Variants in KCNH5 observed in about 807,000 individuals in gnomAD.
KCNH5 encodes the protein potassium voltage-gated channel subfamily H member 5.
In KCNH5, 46 loss-of-function variants were observed where a neutral mutation model predicts 96.1. That is an observed-to-expected ratio of 0.48 (90% CI 0.38 to 0.61). KCNH5 has a LOEUF of 0.61. Ranked by LOEUF, KCNH5 falls within the 20% of genes least tolerant of loss-of-function variation. KCNH5 has a pLI of 0.00. For synonymous variants in KCNH5, 439 were observed against 449.8 expected (o/e 0.98, Z 0.30); for missense variants, 907 against 1,225.8 (o/e 0.74, Z 3.88).
intron 7 of KCNH5, among the ~76,000 whole-genome samples, chr14:62,939,089 C>G (rs987672328): frequency 3.3e-5 from 5 of 152,080 alleles, no homozygotes. Context: ...TGGCTCTCTC[C>G]CCTCAACTAG....
intron 1 of KCNH5, among the ~76,000 whole-genome samples, chr14:63,035,600 C>T (rs1278378051): frequency 2.0e-5 from 3 of 152,206 alleles, no homozygotes; most frequent in Admixed American, 2.0e-4. Context: ...GTAAGCAGAA[C>T]TGATACTTCT....
In KCNH5 at chr14:62,804,577, G is replaced by C. The variant is rs142746166; in HGVS notation, c.1570-1996C>G. 3.5e-4 allele frequency among the ~76,000 whole-genome samples: 53 copies of C among 152,268 alleles called. No individual in the cohort carries two copies. The East Asian group carries it at 0.01, about 29-fold the overall frequency. ...GTGGTATGATGGGAGCATGGCCAGA[G>C]TGACATAAAAGCATGTGCTGCCTGT... On this transcript the variant is annotated intron_variant, in intron 8 of 10. Transcript: ENST00000322893.
chr14:62,842,945 A>G (rs144439038), intron 8 of KCNH5, among the ~76,000 whole-genome samples: 228 of 152,306 alleles, frequency 1.5e-3, no homozygotes, highest in Admixed American at 0.014. Context: ...TTCAGACACA[A>G]TCATATAATC....
At chr14:62,721,887 T>C (rs959705036) in intron 10 of KCNH5, among the ~76,000 whole-genome samples, 3 of 152,210 alleles carry the variant, frequency 2.0e-5, no homozygotes, top group Non-Finnish European at 4.4e-5. Context: ...TGTCTTCATC[T>C]TTCCAAGTCT....
chr14:62,748,700 C>T (rs1010379821), intron 10 of KCNH5, among the ~76,000 whole-genome samples: 16 of 152,002 alleles, frequency 1.1e-4, no homozygotes, highest in African/African-American at 3.1e-4. Flanking sequence ...TAGAGAGGAG[C>T]TCAGTCAGAG....
intron 7 of KCNH5, among the ~76,000 whole-genome samples, chr14:62,927,243 T>C (rs2140112974): frequency 6.6e-6 from 1 of 152,206 alleles, no homozygotes; most frequent in East Asian, 1.9e-4. Flanking sequence ...ATAACAAGTG[T>C]TGACAGGGAT....
At chr14:62,949,071 C>T (rs998578019) in intron 7 of KCNH5, among the ~76,000 whole-genome samples, 14 of 151,538 alleles carry the variant, frequency 9.2e-5, no homozygotes, top group Non-Finnish European at 1.6e-4. Flanking sequence ...TGGGCAAAAA[C>T]TGGAAGCATT....
At chr14:62,894,313 A>C (rs1011183891) in intron 7 of KCNH5, among the ~76,000 whole-genome samples, 1 of 152,150 alleles carries the variant, frequency 6.6e-6, no homozygotes, top group African/African-American at 2.4e-5. Flanking sequence ...CACTGAATCT[A>C]AGTATTAAAG....
At chr14:62,837,201 G>C (rs756658804) in intron 8 of KCNH5, among the ~76,000 whole-genome samples, 20 of 152,174 alleles carry the variant, frequency 1.3e-4, no homozygotes, top group Non-Finnish European at 2.5e-4. Context: ...CCACAAAATA[G>C]TGCCAGGAGG....
At position 62,996,443 on chromosome 14, in the gene KCNH5, G is replaced by A. The variant is rs572022294; in HGVS notation, c.433+4888C>T. Among the ~76,000 whole-genome samples, 3 of 152,226 alleles carry A rather than the reference G, an allele frequency of 2.0e-5. No individual in the cohort carries two copies. The East Asian group carries it at 5.8e-4, about 29-fold the overall frequency. Reference sequence around the variant, plus strand: ...TTTCTCTAATGCTTTTCACAATGGGGTCTGATTTTCCCTATAAATTCTAAT... The same window carrying A: ...TTTCTCTAATGCTTTTCACAATGGGATCTGATTTTCCCTATAAATTCTAAT... On this transcript the variant is annotated intron_variant, in intron 4 of 10. Coordinates refer to ENST00000322893, the MANE Select transcript of KCNH5 (RefSeq NM_139318.5).
intron 9 of KCNH5, among the ~76,000 whole-genome samples, chr14:62,780,322 A>G (rs945385874): frequency 6.6e-6 from 1 of 152,232 alleles, no homozygotes; most frequent in Non-Finnish European, 1.5e-5. Flanking sequence ...GATCTGCTGT[A>G]ACAGCCTTTA....
intron 6 of KCNH5, among the ~76,000 whole-genome samples, chr14:62,979,922 A>AT (rs1890574169): frequency 2.0e-5 from 3 of 152,156 alleles, no homozygotes; most frequent in Non-Finnish European, 4.4e-5. Flanking sequence ...CTGTGTCCCC[A>AT]CCCAAATCTC....
At chr14:62,949,676 C>A (rs1346700441) in intron 7 of KCNH5, 3 of 164,624 alleles carry the variant, frequency 1.8e-5, no homozygotes, top group Admixed American at 1.8e-4. Flanking sequence ...GCTTTATAAA[C>A]CCTTTCTCCT....
At chr14:62,847,281 C>G (rs774860569) in intron 8 of KCNH5, among the ~76,000 whole-genome samples, 4 of 151,260 alleles carry the variant, frequency 2.6e-5, no homozygotes, top group Non-Finnish European at 4.4e-5. Context: ...TTTTGTTTTC[C>G]TCTTGTTTAG....
At chr14:63,041,331 C>T (rs569774479) in intron 1 of KCNH5, among the ~76,000 whole-genome samples, 3 of 152,248 alleles carry the variant, frequency 2.0e-5, no homozygotes, top group South Asian at 4.1e-4. Flanking sequence ...TAATAGTTTG[C>T]ATAAATAATT....
chr14:62,872,087 T>G (rs538300644), intron 7 of KCNH5, among the ~76,000 whole-genome samples: 2 of 152,318 alleles, frequency 1.3e-5, no homozygotes, highest in African/African-American at 4.8e-5. Context: ...TCCAGCTTAT[T>G]GAAAAGAAAA....
intron 4 of KCNH5, among the ~76,000 whole-genome samples, chr14:62,991,701 T>C (rs370051862): frequency 1.3e-5 from 2 of 152,030 alleles, no homozygotes; most frequent in African/African-American, 4.8e-5. Flanking sequence ...AGGGCCTTCT[T>C]GCAGTTCCAG....
At chr14:62,962,575 T>C (rs911333799) in intron 6 of KCNH5, among the ~76,000 whole-genome samples, 8 of 152,090 alleles carry the variant, frequency 5.3e-5, no homozygotes, top group African/African-American at 1.9e-4. Flanking sequence ...AAGAACATAT[T>C]GAAGGTCATC....
intron 8 of KCNH5, among the ~76,000 whole-genome samples, chr14:62,831,206 C>G (rs1404766981): frequency 6.6e-6 from 1 of 152,134 alleles, no homozygotes. Flanking sequence ...GTGTAATTTC[C>G]TCATGACTCT....
Sources: allele counts gnomAD v4.1 joint callset (sites outside exome capture counted in the v4.1 genomes callset), GRCh38; gene constraint gnomAD v4.1.1; transcripts MANE v1.5; gene names NCBI Gene and HGNC (gene_info 2026-07-23, HGNC 2026-07-21).